Variants in TANC2 observed in about 807,000 individuals in gnomAD.
The protein encoded by TANC2 is tetratricopeptide repeat, ankyrin repeat and coiled-coil containing 2, also known as protein TANC2.
Under a neutral mutation model 210.5 loss-of-function variants are expected in TANC2, and 26 were observed. The observed-to-expected ratio is 0.12, with a 90% CI of 0.09 to 0.17. TANC2 has a LOEUF of 0.17. TANC2 is among the 10% of genes least tolerant of loss of function. The pLI, the probability that TANC2 is intolerant of heterozygous loss-of-function variation, is 1.00. For synonymous variants in TANC2, 931 were observed against 967.1 expected (o/e 0.96, Z 0.69); for missense variants, 2,129 against 2,608.9 (o/e 0.82, Z 4.01).
chr17:63,426,769 GTAGACCTA>G, exon 28 of TANC2: 1 of 152,372 alleles, frequency 6.6e-6, no homozygotes, highest in East Asian at 1.9e-4. Context: ...ATTTTTCCAG[GTAGACCTA>G]CTCTGTGGAA....
At chr17:63,379,911 C>T in intron 15 of TANC2, 85 bp downstream of exon 15, 1 of 1,175,994 alleles carries the variant, frequency 8.5e-7, no homozygotes, top group East Asian at 2.5e-5. Context: ...CAGTGTAGTC[C>T]CTGCCTTCTG....
chr17:63,190,755 A>G (rs892776894), intron 5 of TANC2, among the ~76,000 whole-genome samples: 2 of 152,226 alleles, frequency 1.3e-5, no homozygotes, highest in Non-Finnish European at 2.9e-5. Flanking sequence ...AGAAGATTTG[A>G]TACACACAAT....
At chr17:63,129,339 G>A (rs1242480651) in intron 4 of TANC2, among the ~76,000 whole-genome samples, 3 of 152,132 alleles carry the variant, frequency 2.0e-5, no homozygotes, top group Non-Finnish European at 4.4e-5. Context: ...TCAGGTTCCA[G>A]CGTTACCACT....
At chr17:63,273,259 C>T (rs2043770252) in intron 9 of TANC2, among the ~76,000 whole-genome samples, 1 of 152,082 alleles carries the variant, frequency 6.6e-6, no homozygotes, top group Non-Finnish European at 1.5e-5. Context: ...CTCCACTGCA[C>T]TCCAGTCTGG....
At chr17:62,992,946 G>A (rs754864514) in intron 1 of TANC2, among the ~76,000 whole-genome samples, 8 of 152,294 alleles carry the variant, frequency 5.3e-5, no homozygotes, top group African/African-American at 1.4e-4. Context: ...CCTGTGTTCC[G>A]TCTGGAGACT....
intron 7 of TANC2, among the ~76,000 whole-genome samples, chr17:63,230,191 T>A (rs1367701224): frequency 1.3e-5 from 2 of 152,202 alleles, no homozygotes; most frequent in African/African-American, 4.8e-5. Context: ...TTAGTCCAGT[T>A]AGCAGTCCAT....
At chr17:63,384,241 T>C (rs2047705112) in intron 15 of TANC2, among the ~76,000 whole-genome samples, 1 of 152,046 alleles carries the variant, frequency 6.6e-6, no homozygotes, top group Non-Finnish European at 1.5e-5. Flanking sequence ...GGCTAATTAT[T>C]TTTATTTTTT....
At chr17:63,316,089 G>A (rs1162904623) in intron 10 of TANC2, among the ~76,000 whole-genome samples, 1 of 152,128 alleles carries the variant, frequency 6.6e-6, no homozygotes, top group Non-Finnish European at 1.5e-5. Context: ...TTTCTTATTT[G>A]TAAAATGAAG....
At chr17:63,283,768 C>T (rs1178075362) in intron 9 of TANC2, among the ~76,000 whole-genome samples, 2 of 151,812 alleles carry the variant, frequency 1.3e-5, no homozygotes, top group African/African-American at 4.8e-5. Flanking sequence ...TTGCTTTTAG[C>T]TTAATTTCTA....
intron 7 of TANC2, among the ~76,000 whole-genome samples, chr17:63,203,381 C>T (rs888994929): frequency 1.3e-5 from 2 of 152,112 alleles, no homozygotes; most frequent in South Asian, 2.1e-4. Context: ...TTAATATACT[C>T]GGTTACAGGA....
chr17:63,131,908 G>A (rs2038932825), intron 4 of TANC2, among the ~76,000 whole-genome samples: 1 of 152,148 alleles, frequency 6.6e-6, no homozygotes, highest in Non-Finnish European at 1.5e-5. Context: ...AGGATTTTGA[G>A]ATTTTTGTCT....
intron 1 of TANC2, among the ~76,000 whole-genome samples, chr17:62,975,963 T>C (rs1347335033): frequency 2.0e-5 from 3 of 152,218 alleles, no homozygotes; most frequent in Non-Finnish European, 4.4e-5. Flanking sequence ...TTCTTTGTTA[T>C]CTTGTCTTGA....
intron 4 of TANC2, among the ~76,000 whole-genome samples, chr17:63,109,646 A>G (rs2037958024): frequency 6.6e-6 from 1 of 151,758 alleles, no homozygotes; most frequent in Non-Finnish European, 1.5e-5. Context: ...CTGTTACCCT[A>G]TTCTAGACAG....
At chr17:63,200,559 G>A (rs894493759) in intron 6 of TANC2, among the ~76,000 whole-genome samples, 1 of 151,926 alleles carries the variant, frequency 6.6e-6, no homozygotes, top group Admixed American at 6.6e-5. Flanking sequence ...AGAAAAACTG[G>A]CAACAGTCTC....
chr17:63,293,913 G>C (rs1434754285), intron 9 of TANC2, among the ~76,000 whole-genome samples: 2 of 151,938 alleles, frequency 1.3e-5, no homozygotes, highest in Non-Finnish European at 2.9e-5. Flanking sequence ...AATTTTTGTA[G>C]AGATGAGGTT....
chr17:63,306,002 AT>A (rs2044889720), intron 9 of TANC2, among the ~76,000 whole-genome samples: 1 of 152,220 alleles, frequency 6.6e-6, no homozygotes, highest in African/African-American at 2.4e-5. Flanking sequence ...CTTAGCTTAG[AT>A]TTGATACAGC....
intron 5 of TANC2, among the ~76,000 whole-genome samples, chr17:63,174,754 T>G (rs1362739494): frequency 6.6e-6 from 1 of 152,206 alleles, no homozygotes; most frequent in African/African-American, 2.4e-5. Context: ...TTTATATAAA[T>G]GTAATTACAT....
intron 2 of TANC2, among the ~76,000 whole-genome samples, chr17:63,068,070 A>G (rs1251927950): frequency 1.3e-5 from 2 of 152,210 alleles, no homozygotes; most frequent in African/African-American, 4.8e-5. Context: ...GCAGCCCGAG[A>G]GAAATAACAC....
rs528473957 is a variant in TANC2 at position 63,171,566 on chromosome 17, A to G, written c.433+20186A>G. ...AGCTATCATGCAAAACAACTGGAGAATTTCTTTAAGGGTTTGAAGAGGATT... is the reference window on the plus strand; with the variant it reads ...AGCTATCATGCAAAACAACTGGAGAGTTTCTTTAAGGGTTTGAAGAGGATT... On this transcript the variant is annotated intron_variant, in intron 5 of 27. Coordinates refer to ENST00000689528, the Ensembl canonical transcript of TANC2. Among the ~76,000 whole-genome samples the G allele has an allele frequency of 2.0e-5, 3 of 152,298 alleles. No homozygotes were observed. The South Asian group carries it at 6.2e-4, about 32-fold the overall frequency.
Sources: allele counts gnomAD v4.1 joint callset (sites outside exome capture counted in the v4.1 genomes callset), GRCh38; gene constraint gnomAD v4.1.1; transcripts MANE v1.5; gene names NCBI Gene and HGNC (gene_info 2026-07-23, HGNC 2026-07-21).